Variants in SUCLG2 observed in about 807,000 individuals in gnomAD.
SUCLG2 encodes succinate--CoA ligase [GDP-forming] subunit beta, mitochondrial.
Under a neutral mutation model 47.9 loss-of-function variants are expected in SUCLG2, and 42 were observed. The observed-to-expected ratio is 0.88, with a 90% CI of 0.69 to 1.14. The LOEUF is 1.14. Ranked by LOEUF, SUCLG2 falls within the 50% of genes most tolerant of loss-of-function variation. SUCLG2 has a pLI of 0.00. For missense variants in SUCLG2, 571 were observed against 525.9 expected, an observed-to-expected ratio of 1.09 and a Z score of -0.84; for synonymous variants, 195 against 197.3, an observed-to-expected ratio of 0.99 and a Z score of 0.10.
intron 2 of SUCLG2, among the ~76,000 whole-genome samples, chr3:67,531,852 C>T (rs1706413577): frequency 6.6e-6 from 1 of 152,126 alleles, no homozygotes; most frequent in African/African-American, 2.4e-5. Context: ...TGACAAATCC[C>T]ACTCAACAGT....
chr3:67,555,334 T>C (rs1225621444), intron 2 of SUCLG2, among the ~76,000 whole-genome samples: 1 of 152,202 alleles, frequency 6.6e-6, no homozygotes, highest in Non-Finnish European at 1.5e-5. Context: ...AAAATGAATG[T>C]GTATATTTTA....
chr3:67,514,653 T>C (rs565634300), intron 6 of SUCLG2, among the ~76,000 whole-genome samples: 60 of 152,306 alleles, frequency 3.9e-4, no homozygotes, highest in African/African-American at 1.1e-3. Flanking sequence ...AGTCATACAA[T>C]AGTCACCCTT....
chr3:67,425,709 C>G (rs765474460), intron 9 of SUCLG2, among the ~76,000 whole-genome samples: 1 of 152,180 alleles, frequency 6.6e-6, no homozygotes, highest in Non-Finnish European at 1.5e-5. Context: ...GCCTTACAGA[C>G]AGCAGATTGT....
intron 1 of SUCLG2, among the ~76,000 whole-genome samples, chr3:67,653,925 T>A (rs1290755431): frequency 6.6e-6 from 1 of 152,214 alleles, no homozygotes; most frequent in African/African-American, 2.4e-5. Context: ...CCCTGATTTT[T>A]CATTGGAAAG....
intron 2 of SUCLG2, among the ~76,000 whole-genome samples, chr3:67,606,016 C>A (rs1469468408): frequency 6.6e-6 from 1 of 151,896 alleles, no homozygotes; most frequent in Non-Finnish European, 1.5e-5. Flanking sequence ...CTGGGCAACA[C>A]AGAGAGACCC....
chr3:67,439,899 C>A (rs1703716183), intron 9 of SUCLG2, among the ~76,000 whole-genome samples: 1 of 152,160 alleles, frequency 6.6e-6, no homozygotes, highest in Non-Finnish European at 1.5e-5. Context: ...TCATGTGGAA[C>A]CCAGGAACAG....
chr3:67,591,187 C>T (rs755105604), intron 2 of SUCLG2, among the ~76,000 whole-genome samples: 1 of 152,104 alleles, frequency 6.6e-6, no homozygotes, highest in Non-Finnish European at 1.5e-5. Context: ...CCTACCATTC[C>T]AGAGAAAGGA....
chr3:67,377,003 A>G (rs750619152), intron 10 of SUCLG2, among the ~76,000 whole-genome samples: 6 of 152,234 alleles, frequency 3.9e-5, no homozygotes, highest in African/African-American at 9.6e-5. Context: ...GTTTCCATAC[A>G]GAGCACTATC....
At chr3:67,374,004 C>G (rs973212471), downstream of SUCLG2, among the ~76,000 whole-genome samples, 14 of 152,124 alleles carry the variant, frequency 9.2e-5, no homozygotes, top group African/African-American at 3.4e-4. Flanking sequence ...TGCTTTATCC[C>G]CTCCTCCAAA....
chr3:67,438,512 A>C (rs1703679602), intron 9 of SUCLG2, among the ~76,000 whole-genome samples: 2 of 152,074 alleles, frequency 1.3e-5, no homozygotes, highest in Admixed American at 6.5e-5. Context: ...AATAAAGAAG[A>C]GAGAAGAATC....
chr3:67,610,755 A>C (rs1007999170), intron 1 of SUCLG2, among the ~76,000 whole-genome samples: 1 of 152,190 alleles, frequency 6.6e-6, no homozygotes, highest in Non-Finnish European at 1.5e-5. Flanking sequence ...ACAGATCATA[A>C]AAGTGAGGCC....
chr3:67,490,175 T>A (rs375979346), intron 9 of SUCLG2, among the ~76,000 whole-genome samples: 7 of 152,180 alleles, frequency 4.6e-5, no homozygotes, highest in African/African-American at 1.7e-4. Context: ...AGTTTAAGTT[T>A]AAACAGCTCT....
chr3:67,647,879 A>T (rs1701218925), intron 1 of SUCLG2, among the ~76,000 whole-genome samples: 1 of 152,220 alleles, frequency 6.6e-6, no homozygotes, highest in African/African-American at 2.4e-5. Flanking sequence ...TACTGCAAGG[A>T]TGAAGTGAAA....
intron 2 of SUCLG2, among the ~76,000 whole-genome samples, chr3:67,532,673 T>C (rs959639055): frequency 6.6e-6 from 1 of 151,780 alleles, no homozygotes; most frequent in Non-Finnish European, 1.5e-5. Flanking sequence ...AATTTACATA[T>C]ATTTTAGTAG....
intron 1 of SUCLG2, among the ~76,000 whole-genome samples, chr3:67,609,877 A>G (rs1489417681): frequency 6.6e-6 from 1 of 152,192 alleles, no homozygotes; most frequent in African/African-American, 2.4e-5. Flanking sequence ...ACAAATATCA[A>G]TGTCTTGCTT....
At chr3:67,575,860 T>C (rs545596981) in intron 2 of SUCLG2, among the ~76,000 whole-genome samples, 5 of 152,100 alleles carry the variant, frequency 3.3e-5, no homozygotes, top group African/African-American at 1.2e-4. Context: ...TTGAAGAAAA[T>C]GGGTGATATA....
At chr3:67,491,988 C>T (rs939651031) in intron 9 of SUCLG2, among the ~76,000 whole-genome samples, 3 of 152,164 alleles carry the variant, frequency 2.0e-5, no homozygotes, top group African/African-American at 7.2e-5. Flanking sequence ...AAGACTGGAA[C>T]CCAGGCAGTC....
intron 9 of SUCLG2, among the ~76,000 whole-genome samples, chr3:67,461,602 C>T (rs959552620): frequency 6.6e-6 from 1 of 151,686 alleles, no homozygotes; most frequent in East Asian, 1.9e-4. Flanking sequence ...GGGTCCCCAA[C>T]CTGGAAACTA....
At chr3:67,615,621 A>AACACACACACACACACACACAC (rs60992383) in intron 1 of SUCLG2, among the ~76,000 whole-genome samples, 295 of 142,142 alleles carry the variant, frequency 2.1e-3, no homozygotes, top group African/African-American at 6.3e-3. Flanking sequence ...CACAAACACA[A>AACACACACACACACACACACAC]ACACACACAC....
Sources: gnomAD v4.1 joint callset for allele counts (sites outside exome capture counted in the v4.1 genomes callset) on GRCh38, gnomAD v4.1.1 for gene constraint, MANE v1.5 for transcripts, NCBI Gene and HGNC (gene_info 2026-07-23, HGNC 2026-07-21) for gene names.